ARHGAP32: variants seen among roughly 807,000 people sequenced by gnomAD.
ARHGAP32 encodes rho GTPase-activating protein 32.
In ARHGAP32, 51 loss-of-function variants were observed where a neutral mutation model predicts 186.5. The observed-to-expected ratio is 0.27, with a 90% CI of 0.22 to 0.35. ARHGAP32 has a LOEUF of 0.35. ARHGAP32 is among the 10% of genes least tolerant of loss of function. The pLI, the probability that ARHGAP32 is intolerant of heterozygous loss-of-function variation, is 1.00. For synonymous variants in ARHGAP32, 950 were observed against 964.3 expected (o/e 0.99, Z 0.27); for missense variants, 2,186 against 2,623.5 (o/e 0.83, Z 3.64).
chr11:129,268,798 T>C (rs1301106597), intron 1 of ARHGAP32, among the ~76,000 whole-genome samples: 1 of 151,782 alleles, frequency 6.6e-6, no homozygotes, highest in Non-Finnish European at 1.5e-5. Context: ...CTTTCTCTAC[T>C]GCTACCAGCT....
At chr11:129,225,720 C>A (rs1480630240) in intron 1 of ARHGAP32, among the ~76,000 whole-genome samples, 1 of 151,940 alleles carries the variant, frequency 6.6e-6, no homozygotes, top group African/African-American at 2.4e-5. Context: ...ACAAGACACG[C>A]CAAGAAATAA....
chr11:129,053,337 C>T (rs1035150798), intron 10 of ARHGAP32, among the ~76,000 whole-genome samples: 6 of 152,184 alleles, frequency 3.9e-5, no homozygotes, highest in South Asian at 2.1e-4. Context: ...AAAGTCATCA[C>T]GCTTGTATTC....
intron 22 of ARHGAP32, 54 bp from the exon 23 acceptor site, chr11:128,971,213 A>C: frequency 6.8e-7 from 1 of 1,459,928 alleles, no homozygotes; most frequent in East Asian, 2.3e-5. Context: ...CTATGAATCA[A>C]GTACTATTAA....
chr11:129,064,138 T>TG (rs1940608435), intron 8 of ARHGAP32, 114 bp from the exon 9 acceptor site: 1 of 599,252 alleles, frequency 1.7e-6, no homozygotes, highest in African/African-American at 1.9e-5. Flanking sequence ...CAAAGAGTCT[T>TG]AAAAAAAAAA....
At chr11:129,042,868 G>A (rs1375208710) in intron 10 of ARHGAP32, among the ~76,000 whole-genome samples, 1 of 152,174 alleles carries the variant, frequency 6.6e-6, no homozygotes, top group African/African-American at 2.4e-5. Context: ...GAGGACTTGG[G>A]GGGATGAAGA....
chr11:128,999,242 G>A (rs1439157507), intron 11 of ARHGAP32, among the ~76,000 whole-genome samples: 2 of 152,184 alleles, frequency 1.3e-5, no homozygotes, highest in Non-Finnish European at 2.9e-5. Context: ...TCTGTCTTAT[G>A]CAGTTGTAGA....
chr11:129,269,601 C>T (rs1175843041), intron 1 of ARHGAP32, among the ~76,000 whole-genome samples: 1 of 152,076 alleles, frequency 6.6e-6, no homozygotes, highest in African/African-American at 2.4e-5. Flanking sequence ...GTGGCACGCA[C>T]CTATAGTCTT....
At chr11:129,088,352 TG>T (rs1941471876) in intron 6 of ARHGAP32, among the ~76,000 whole-genome samples, 1 of 151,942 alleles carries the variant, frequency 6.6e-6, no homozygotes, top group Admixed American at 6.5e-5. Context: ...GAGGCCAAGG[TG>T]GGTGGATCAC....
chr11:129,221,184 T>C (rs182579607), intron 1 of ARHGAP32, among the ~76,000 whole-genome samples: 1 of 152,108 alleles, frequency 6.6e-6, no homozygotes, highest in Admixed American at 6.5e-5. Flanking sequence ...AACTGGAAAA[T>C]GATACTGCCC....
At chr11:129,073,864 T>C (rs1429331070) in intron 6 of ARHGAP32, among the ~76,000 whole-genome samples, 2 of 151,930 alleles carry the variant, frequency 1.3e-5, no homozygotes, top group Non-Finnish European at 1.5e-5. Context: ...ACCTTACCTA[T>C]AGAGGGTCAA....
upstream of ARHGAP32, among the ~76,000 whole-genome samples, chr11:129,279,509 C>T (rs953864616): frequency 1.0e-4 from 15 of 146,132 alleles, no homozygotes; most frequent in Middle Eastern, 3.5e-3. Flanking sequence ...CTTCGGGCCG[C>T]CCCCGCAGCG....
chr11:129,199,621 T>G (rs903757898), intron 1 of ARHGAP32, among the ~76,000 whole-genome samples: 1 of 152,226 alleles, frequency 6.6e-6, no homozygotes, highest in Admixed American at 6.5e-5. Flanking sequence ...AGAGGATGTA[T>G]GAAAACACCT....
chr11:129,152,460 G>C (rs921234895), intron 2 of ARHGAP32, among the ~76,000 whole-genome samples: 1 of 152,088 alleles, frequency 6.6e-6, no homozygotes. Context: ...CAGTATCCCT[G>C]AGGAACACAG....
chr11:129,279,537 G>A (rs972677194), upstream of ARHGAP32, among the ~76,000 whole-genome samples: 10 of 145,092 alleles, frequency 6.9e-5, no homozygotes, highest in African/African-American at 2.5e-4. Context: ...CCAGCTGGCC[G>A]GCGCGTGCCC....
intron 5 of ARHGAP32, among the ~76,000 whole-genome samples, chr11:129,107,590 CG>C (rs1942083076): frequency 6.6e-6 from 1 of 152,100 alleles, no homozygotes; most frequent in South Asian, 2.1e-4. Context: ...GATTTTGGGC[CG>C]GACGTGGTGG....
At chr11:129,155,210 A>T (rs899310709) in intron 2 of ARHGAP32, among the ~76,000 whole-genome samples, 1 of 152,256 alleles carries the variant, frequency 6.6e-6, no homozygotes, top group Non-Finnish European at 1.5e-5. Context: ...GCTACGTGGC[A>T]CACTATACAG....
chr11:129,192,003 C>G, intron 1 of ARHGAP32, 80 bp downstream of exon 1: 1 of 1,063,176 alleles, frequency 9.4e-7, no homozygotes, highest in South Asian at 1.4e-5. Context: ...GGAAAAAAGA[C>G]CGAAATGCAG....
At chr11:129,100,920 C>T (rs1470388532) in intron 5 of ARHGAP32, among the ~76,000 whole-genome samples, 1 of 152,192 alleles carries the variant, frequency 6.6e-6, no homozygotes, top group East Asian at 1.9e-4. Flanking sequence ...TAGCACTCTG[C>T]TGCAGCTGCT....
chr11:128,998,816 C>A lies in ARHGAP32; in HGVS notation c.1046-348G>T, dbSNP rs183127977. Among the ~76,000 whole-genome samples the A allele has an allele frequency of 3.3e-5, 5 of 152,268 alleles. No homozygotes were observed. In the East Asian group the frequency reaches 7.7e-4, roughly 23 times the overall value. ...GCCTGTCTTTACTGCAATCTCTGAA[C>A]GTAAATTGTGAAGATTTCGTGGACA... On this transcript the variant is annotated intron_variant, in intron 11 of 22. Transcript: ENST00000682385.
Sources: gnomAD v4.1 joint callset for allele counts (sites outside exome capture counted in the v4.1 genomes callset) on GRCh38, gnomAD v4.1.1 for gene constraint, MANE v1.5 for transcripts, NCBI Gene and HGNC (gene_info 2026-07-23, HGNC 2026-07-21) for gene names.